The following SAMD3 variants were observed in gnomAD, a reference collection of about 807,000 sequenced individuals.
SAMD3 encodes sterile alpha motif domain-containing protein 3.
A neutral mutation model predicts 58.5 loss-of-function variants in SAMD3; 63 were observed. That is an observed-to-expected ratio of 1.08 (90% CI 0.88 to 1.33). SAMD3 has a LOEUF of 1.33. Ranked by LOEUF, SAMD3 falls within the 40% of genes most tolerant of loss-of-function variation. The probability of loss-of-function intolerance (pLI) is 0.00; values close to 1 mark genes in which losing one functional copy is unlikely to be tolerated. For synonymous variants in SAMD3, 220 were observed against 210.3 expected, an observed-to-expected ratio of 1.05 and a Z score of -0.40; for missense variants, 604 against 608.4, an observed-to-expected ratio of 0.99 and a Z score of 0.08.
At chr6:130,218,801 A>G (rs1475477554) in intron 1 of SAMD3, among the ~76,000 whole-genome samples, 4 of 152,008 alleles carry the variant, frequency 2.6e-5, no homozygotes, top group Non-Finnish European at 2.9e-5. Context: ...AATGAACTCA[A>G]AGTAAAAAAA....
In SAMD3 at chr6:130,209,588, G is replaced by C; in HGVS notation, c.290C>G (p.Ser97Cys). The change falls in exon 5 of 12, where the codon TCC becomes TGC. Residue 97 changes from serine (S) to cysteine (C), a missense_variant. Transcript: ENST00000439090. ...AARDYRDEES[S>C]SPARHGEQMP... The stretch of plus-strand genomic sequence containing the variant: ...CTGCTCCCCATGCCTGGCTGGACTG[G>C]AGGACTCTTCATCCCTGTAACTAAG... 3 of 1,613,062 alleles carry C rather than the reference G, an allele frequency of 1.9e-6. No individual in the cohort carries two copies. The highest frequency in any genetic ancestry group is 2.5e-6 in the Non-Finnish European group (3 of 1,179,022).
intron 1 of SAMD3, among the ~76,000 whole-genome samples, chr6:130,220,761 T>C (rs1375698911): frequency 6.6e-6 from 1 of 152,250 alleles, no homozygotes; most frequent in East Asian, 1.9e-4. Flanking sequence ...TTAAAAAATG[T>C]TATGCTATTA....
intron 2 of SAMD3, among the ~76,000 whole-genome samples, chr6:130,306,775 A>G (rs186453377): frequency 4.1e-4 from 63 of 152,370 alleles, no homozygotes; most frequent in Non-Finnish European, 3.1e-4. Context: ...TTATAGAATG[A>G]GACAGAGAAT....
chr6:130,301,100 G>A (rs1296002195), intron 2 of SAMD3, among the ~76,000 whole-genome samples: 1 of 152,118 alleles, frequency 6.6e-6, no homozygotes, highest in East Asian at 1.9e-4. Context: ...ATAATTTGCT[G>A]AGAATGATGG....
chr6:130,272,047 C>T (rs1218490765), intron 2 of SAMD3, among the ~76,000 whole-genome samples: 1 of 152,104 alleles, frequency 6.6e-6, no homozygotes, highest in African/African-American at 2.4e-5. Context: ...TTTTAATTTG[C>T]ATTTTATTGA....
chr6:130,179,368 G>A (rs565444019), intron 7 of SAMD3, among the ~76,000 whole-genome samples: 1 of 152,306 alleles, frequency 6.6e-6, no homozygotes, highest in Admixed American at 6.5e-5. Flanking sequence ...TTTCCAGCTA[G>A]AGAGGGTGTA....
At chr6:130,304,483 A>G (rs1480179970) in intron 2 of SAMD3, among the ~76,000 whole-genome samples, 2 of 152,302 alleles carry the variant, frequency 1.3e-5, no homozygotes, top group East Asian at 1.9e-4. Context: ...CCATAAATGT[A>G]TAGATTAGTT....
intron 8 of SAMD3, among the ~76,000 whole-genome samples, chr6:130,175,222 C>A (rs1413642363): frequency 6.6e-6 from 1 of 152,122 alleles, no homozygotes; most frequent in Non-Finnish European, 1.5e-5. Flanking sequence ...TGAGGAATTT[C>A]GGTGCTCTGA....
intron 2 of SAMD3, among the ~76,000 whole-genome samples, chr6:130,256,989 T>A (rs1773947762): frequency 6.6e-6 from 1 of 152,222 alleles, no homozygotes; most frequent in Non-Finnish European, 1.5e-5. Context: ...CCTTGCTAAC[T>A]GAATTGTGTC....
At chr6:130,329,025 C>A (rs1247794493) in intron 1 of SAMD3, among the ~76,000 whole-genome samples, 1 of 147,250 alleles carries the variant, frequency 6.8e-6, no homozygotes, top group East Asian at 2.1e-4. Flanking sequence ...TAGGTGTAGA[C>A]CAATATCTCT....
At chr6:130,340,470 T>C (rs1246611269) in intron 1 of SAMD3, among the ~76,000 whole-genome samples, 2 of 152,180 alleles carry the variant, frequency 1.3e-5, no homozygotes, top group Non-Finnish European at 2.9e-5. Context: ...AATCTCCCCT[T>C]CTCAATGTCA....
intron 1 of SAMD3, among the ~76,000 whole-genome samples, chr6:130,316,653 G>A (rs1036899449): frequency 9.2e-5 from 14 of 152,226 alleles, no homozygotes; most frequent in African/African-American, 3.1e-4. Context: ...CTCTATTAAG[G>A]TGAATGCATT....
At chr6:130,158,059 C>T (rs1789952472) in intron 8 of SAMD3, among the ~76,000 whole-genome samples, 2 of 151,936 alleles carry the variant, frequency 1.3e-5, no homozygotes, top group African/African-American at 2.4e-5. Context: ...ATTAATGAGA[C>T]TTAAATAAAT....
intron 1 of SAMD3, among the ~76,000 whole-genome samples, chr6:130,328,957 G>T (rs1028139848): frequency 6.6e-6 from 1 of 152,152 alleles, no homozygotes; most frequent in African/African-American, 2.4e-5. Context: ...GTGTCAGAGG[G>T]AAACGAGAAT....
intron 1 of SAMD3, among the ~76,000 whole-genome samples, chr6:130,218,910 G>A (rs376387026): frequency 1.3e-5 from 2 of 152,206 alleles, no homozygotes; most frequent in Non-Finnish European, 2.9e-5. Flanking sequence ...AGGGTCTGAA[G>A]ATCGCAGAAA....
intron 1 of SAMD3, among the ~76,000 whole-genome samples, chr6:130,353,292 T>C (rs1777734332): frequency 6.6e-6 from 1 of 152,202 alleles, no homozygotes; most frequent in Non-Finnish European, 1.5e-5. Flanking sequence ...AAACTGATAC[T>C]TTGGCCTCTA....
At chr6:130,170,243 T>G (rs1000948290) in intron 8 of SAMD3, among the ~76,000 whole-genome samples, 1 of 152,222 alleles carries the variant, frequency 6.6e-6, no homozygotes, top group Admixed American at 6.5e-5. Flanking sequence ...TTCCCCTCCC[T>G]GTGTCCATGT....
chr6:130,260,122 G>A (rs1030443937), intron 2 of SAMD3, among the ~76,000 whole-genome samples: 1 of 152,174 alleles, frequency 6.6e-6, no homozygotes, highest in African/African-American at 2.4e-5. Flanking sequence ...ACTACATATA[G>A]TGAGAGAATA....
intron 2 of SAMD3, among the ~76,000 whole-genome samples, chr6:130,308,420 ATTC>A (rs1562513225): frequency 9.6e-5 from 11 of 114,670 alleles, no homozygotes; most frequent in Non-Finnish European, 1.9e-4. Flanking sequence ...ATTCTATTCT[ATTC>A]TATTCTATTC....
Sources: gnomAD v4.1 joint callset for allele counts (sites outside exome capture counted in the v4.1 genomes callset) on GRCh38, gnomAD v4.1.1 for gene constraint, MANE v1.5 for transcripts, NCBI Gene and HGNC (gene_info 2026-07-23, HGNC 2026-07-21) for gene names.